SMYD3: variants seen among roughly 807,000 people sequenced by gnomAD.
SMYD3 encodes SET and MYND domain containing 3.
SMYD3 carries 36 observed loss-of-function variants against 57.7 expected under a neutral mutation model. The observed-to-expected ratio is 0.62, with a 90% CI of 0.48 to 0.82. The LOEUF is 0.82. Ranked by LOEUF, SMYD3 falls within the 40% of genes least tolerant of loss-of-function variation. The pLI is 0.00. For synonymous variants in SMYD3, 211 were observed against 195.0 expected, an observed-to-expected ratio of 1.08 and a Z score of -0.68; for missense variants, 515 against 538.8, an observed-to-expected ratio of 0.96 and a Z score of 0.44.
At chr1:246,359,454 A>C (rs902763182) in intron 1 of SMYD3, among the ~76,000 whole-genome samples, 1 of 152,208 alleles carries the variant, frequency 6.6e-6, no homozygotes, top group Non-Finnish European at 1.5e-5. Context: ...ATCCTCCTTA[A>C]ATCATTCTCT....
intron 5 of SMYD3, among the ~76,000 whole-genome samples, chr1:246,321,087 A>C (rs1221533802): frequency 6.6e-6 from 1 of 152,226 alleles, no homozygotes; most frequent in African/African-American, 2.4e-5. Flanking sequence ...ACTAAGCCTC[A>C]AGAAAAGACA....
intron 5 of SMYD3, among the ~76,000 whole-genome samples, chr1:246,043,461 A>G (rs1409518751): frequency 1.3e-5 from 2 of 152,230 alleles, no homozygotes; most frequent in Non-Finnish European, 2.9e-5. Flanking sequence ...AACCAACACA[A>G]CCAAAACAAG....
chr1:246,396,566 C>T (rs2066676537), intron 1 of SMYD3, among the ~76,000 whole-genome samples: 1 of 152,080 alleles, frequency 6.6e-6, no homozygotes, highest in Admixed American at 6.6e-5. Flanking sequence ...CTTAAGATAA[C>T]CAGTGCTTTC....
intron 8 of SMYD3, among the ~76,000 whole-genome samples, chr1:245,887,806 C>G (rs1482348322): frequency 6.6e-6 from 1 of 152,140 alleles, no homozygotes; most frequent in Non-Finnish European, 1.5e-5. Flanking sequence ...TCTCAGGATT[C>G]CCATGGTTGG....
chr1:246,327,698 G>A (rs1233316725), intron 4 of SMYD3, among the ~76,000 whole-genome samples: 1 of 152,170 alleles, frequency 6.6e-6, no homozygotes, highest in Non-Finnish European at 1.5e-5. Flanking sequence ...AACTTAAGCA[G>A]ACTTTTCCAT....
At chr1:246,089,008 G>A (rs1056734202) in intron 5 of SMYD3, among the ~76,000 whole-genome samples, 1 of 152,114 alleles carries the variant, frequency 6.6e-6, no homozygotes, top group African/African-American at 2.4e-5. Flanking sequence ...TTTTGAGACA[G>A]GGTACTGCAC....
chr1:246,283,398 G>A (rs1017853688), intron 5 of SMYD3, among the ~76,000 whole-genome samples: 9 of 152,126 alleles, frequency 5.9e-5, no homozygotes, highest in East Asian at 1.9e-4. Context: ...CCATCGACTC[G>A]CAATCTGAAC....
chr1:246,058,780 A>C (rs1242221574), intron 5 of SMYD3, among the ~76,000 whole-genome samples: 1 of 152,190 alleles, frequency 6.6e-6, no homozygotes, highest in African/African-American at 2.4e-5. Context: ...AATTTTCAAA[A>C]TTAAATAGTA....
intron 5 of SMYD3, among the ~76,000 whole-genome samples, chr1:246,304,245 C>T (rs2064942119): frequency 6.6e-6 from 1 of 152,086 alleles, no homozygotes; most frequent in Admixed American, 6.6e-5. Context: ...GCATGAACTC[C>T]TATATAGCAC....
intron 5 of SMYD3, among the ~76,000 whole-genome samples, chr1:245,958,327 G>C (rs2057909777): frequency 6.6e-6 from 1 of 152,138 alleles, no homozygotes; most frequent in South Asian, 2.1e-4. Flanking sequence ...TATCCATGAA[G>C]GCCCTTCACA....
At chr1:245,986,953 A>G (rs2148096261) in intron 5 of SMYD3, among the ~76,000 whole-genome samples, 1 of 152,366 alleles carries the variant, frequency 6.6e-6, no homozygotes, top group Admixed American at 6.5e-5. Context: ...TTTTATGTAA[A>G]TGTCAATGTA....
chr1:246,011,029 C>T (rs537775916), intron 5 of SMYD3, among the ~76,000 whole-genome samples: 33 of 152,210 alleles, frequency 2.2e-4, no homozygotes, highest in East Asian at 1.9e-4. Flanking sequence ...CCAGGAAGAG[C>T]GAAGTCTAGC....
intron 5 of SMYD3, among the ~76,000 whole-genome samples, chr1:246,023,825 G>GTGT (rs1198239209): frequency 6.6e-6 from 1 of 151,756 alleles, no homozygotes; most frequent in Non-Finnish European, 1.5e-5. Context: ...GTGTGTGTGT[G>GTGT]TGTGTGTGTG....
At chr1:245,823,917 AG>A (rs2049318556) in intron 10 of SMYD3, among the ~76,000 whole-genome samples, 1 of 152,222 alleles carries the variant, frequency 6.6e-6, no homozygotes, top group Non-Finnish European at 1.5e-5. Flanking sequence ...TGACTGCACC[AG>A]GGAGACCCAC....
At chr1:245,912,993 C>A (rs2055110984) in intron 8 of SMYD3, among the ~76,000 whole-genome samples, 2 of 152,114 alleles carry the variant, frequency 1.3e-5, no homozygotes, top group Admixed American at 1.3e-4. Flanking sequence ...ACCATTTGAC[C>A]CAGCCATCCC....
chr1:245,850,422 T>A (rs754461785), intron 10 of SMYD3, among the ~76,000 whole-genome samples: 60 of 152,320 alleles, frequency 3.9e-4, no homozygotes, highest in Non-Finnish European at 2.9e-5. Flanking sequence ...CTGGGTTCAG[T>A]GGCTCACACC....
chr1:245,982,944 T>G (rs1405079138), intron 5 of SMYD3, among the ~76,000 whole-genome samples: 1 of 152,248 alleles, frequency 6.6e-6, no homozygotes, highest in Non-Finnish European at 1.5e-5. Context: ...CCAAGACTGC[T>G]GTCAGAAACC....
chr1:246,049,028 G>A (rs558674378), intron 5 of SMYD3, among the ~76,000 whole-genome samples: 20 of 152,220 alleles, frequency 1.3e-4, no homozygotes, highest in African/African-American at 3.1e-4. Context: ...TTAGTAAAAG[G>A]AGACCATAGC....
chr1:245,972,572 T>G (rs1292032116), intron 5 of SMYD3, among the ~76,000 whole-genome samples: 2 of 152,244 alleles, frequency 1.3e-5, no homozygotes. Context: ...TGTTCTCCCT[T>G]GCTCCCAGGG....
Sources: gnomAD v4.1 joint callset for allele counts (sites outside exome capture counted in the v4.1 genomes callset) on GRCh38, gnomAD v4.1.1 for gene constraint, MANE v1.5 for transcripts, NCBI Gene and HGNC (gene_info 2026-07-23, HGNC 2026-07-21) for gene names.